The following RELN variants were observed in gnomAD, a reference collection of about 807,000 sequenced individuals.
RELN encodes the protein reelin.
A neutral mutation model predicts 427.6 loss-of-function variants in RELN; 108 were observed. The observed-to-expected ratio is 0.25, with a 90% CI of 0.22 to 0.30. The LOEUF (loss-of-function observed/expected upper bound fraction) is 0.30, where lower values mean the gene tolerates loss of function less well. RELN is among the 10% of genes least tolerant of loss of function. The probability of loss-of-function intolerance (pLI) is 1.00; values close to 1 mark genes in which losing one functional copy is unlikely to be tolerated. For missense variants in RELN, 3,715 were observed against 4,302.8 expected (o/e 0.86, Z 3.82); for synonymous variants, 1,524 against 1,513.4 (o/e 1.01, Z -0.16).
intron 4 of RELN, among the ~76,000 whole-genome samples, chr7:103,763,864 G>A (rs1389193677): frequency 6.8e-6 from 1 of 148,122 alleles, no homozygotes; most frequent in East Asian, 1.9e-4. Flanking sequence ...GAGGCCAGGA[G>A]CATTTTGATC....
At chr7:103,966,221 C>A (rs199878243) in intron 1 of RELN, among the ~76,000 whole-genome samples, 79,427 of 151,684 alleles carry the variant, frequency 0.52, 20,938 homozygotes, top group African/African-American at 0.6. Context: ...AAATTACCCG[C>A]TTTTTCCAGT....
At chr7:103,700,884 T>C (rs760710274) in intron 9 of RELN, 26 bp downstream of exon 9, 1 of 1,394,988 alleles carries the variant, frequency 7.2e-7, no homozygotes, top group South Asian at 1.2e-5. Context: ...TCAGAATTTA[T>C]GAAAATACTT....
intron 2 of RELN, among the ~76,000 whole-genome samples, chr7:103,902,733 G>A (rs1207565672): frequency 6.6e-6 from 1 of 152,060 alleles, no homozygotes; most frequent in East Asian, 1.9e-4. Context: ...CTCAGCATTG[G>A]AGGGTTGAAA....
chr7:103,965,340 A>C (rs1055340115), intron 1 of RELN, among the ~76,000 whole-genome samples: 1 of 152,256 alleles, frequency 6.6e-6, no homozygotes, highest in Admixed American at 6.5e-5. Flanking sequence ...CAGAAGTCAC[A>C]ACCAATGAAG....
intron 2 of RELN, among the ~76,000 whole-genome samples, chr7:103,838,367 G>A: frequency 6.6e-6 from 1 of 151,984 alleles, no homozygotes; most frequent in East Asian, 1.9e-4. Flanking sequence ...GTATAAAGTT[G>A]TTCAGAATAG....
At chr7:103,650,208 G>A (rs951353824) in intron 16 of RELN, 66 bp downstream of exon 16, 81 of 966,442 alleles carry the variant, frequency 8.4e-5, no homozygotes, top group Middle Eastern at 2.1e-4. Context: ...AGTCTGTGCT[G>A]ACGAACAAAA....
intron 3 of RELN, among the ~76,000 whole-genome samples, chr7:103,793,322 A>G (rs911278335): frequency 6.6e-6 from 1 of 152,222 alleles, no homozygotes; most frequent in African/African-American, 2.4e-5. Context: ...CAACTCTTAC[A>G]AGTATATTCC....
chr7:103,866,926 G>C (rs1243617111), intron 2 of RELN, among the ~76,000 whole-genome samples: 2 of 152,010 alleles, frequency 1.3e-5, no homozygotes, highest in African/African-American at 4.8e-5. Context: ...TAATTAATTA[G>C]ACAAGCAATC....
chr7:103,732,716 T>G (rs146685522), intron 6 of RELN, among the ~76,000 whole-genome samples: 93 of 152,266 alleles, frequency 6.1e-4, no homozygotes, highest in African/African-American at 2.2e-3. Flanking sequence ...AATACTTAAA[T>G]GCATAAGTGC....
intron 22 of RELN, among the ~76,000 whole-genome samples, chr7:103,610,081 G>C (rs362643): frequency 6.6e-6 from 1 of 151,920 alleles, no homozygotes. Flanking sequence ...ACCAGAAATC[G>C]TTTAATTTTT....
intron 27 of RELN, among the ~76,000 whole-genome samples, chr7:103,591,716 T>C (rs1831420762): frequency 1.3e-5 from 2 of 152,186 alleles, no homozygotes; most frequent in South Asian, 4.1e-4. Context: ...TGATTGCTGT[T>C]GTTTCTAACA....
chr7:103,930,868 A>ATGTG (rs60265174), intron 1 of RELN, among the ~76,000 whole-genome samples: 11,759 of 141,798 alleles, frequency 0.083, 502 homozygotes, highest in South Asian at 0.13. Flanking sequence ...GTGTGAGCAT[A>ATGTG]TGTGTGTGTG....
At chr7:103,720,105 T>C (rs1304588393) in intron 8 of RELN, among the ~76,000 whole-genome samples, 2 of 151,710 alleles carry the variant, frequency 1.3e-5, no homozygotes, top group Non-Finnish European at 2.9e-5. Context: ...TATAATTATA[T>C]AAACACATCA....
chr7:103,919,389 T>C (rs151003548), intron 1 of RELN, among the ~76,000 whole-genome samples: 2 of 152,254 alleles, frequency 1.3e-5, no homozygotes, highest in African/African-American at 4.8e-5. Context: ...AGGAGCATAC[T>C]GAAAACTTCA....
chr7:103,485,096 A>C (rs1397802053), intron 61 of RELN, among the ~76,000 whole-genome samples: 3 of 152,158 alleles, frequency 2.0e-5, no homozygotes, highest in African/African-American at 7.2e-5. Flanking sequence ...CTAGACTTAG[A>C]AACGTATAAA....
intron 3 of RELN, among the ~76,000 whole-genome samples, chr7:103,797,250 C>T (rs1792328782): frequency 6.6e-6 from 1 of 151,936 alleles, no homozygotes; most frequent in Admixed American, 6.6e-5. Context: ...TTACAGGCAC[C>T]CACCACCATG....
intron 11 of RELN, among the ~76,000 whole-genome samples, chr7:103,679,953 T>C (rs1027537683): frequency 3.9e-5 from 6 of 152,180 alleles, no homozygotes; most frequent in African/African-American, 1.2e-4. Context: ...GTGTTACTCA[T>C]AGAGAGCTGA....
intron 49 of RELN, among the ~76,000 whole-genome samples, chr7:103,516,985 C>T (rs12671505): frequency 0.055 from 8,432 of 152,156 alleles, 314 homozygotes; most frequent in South Asian, 0.16. Context: ...TCATTCTGTG[C>T]GCCCTTTGGG....
At chr7:103,514,028 T>C (rs1829495686) in intron 50 of RELN, 1 of 152,178 alleles carries the variant, frequency 6.6e-6, no homozygotes, top group Non-Finnish European at 1.5e-5. Context: ...ATTTTTTTTT[T>C]CCAGGACATG....
Sources: allele counts gnomAD v4.1 joint callset (sites outside exome capture counted in the v4.1 genomes callset), GRCh38; gene constraint gnomAD v4.1.1; transcripts MANE v1.5; gene names NCBI Gene and HGNC (gene_info 2026-07-23, HGNC 2026-07-21).